DISC1: variants seen among roughly 807,000 people sequenced by gnomAD.
DISC1 encodes the protein DISC1 scaffold protein, also known as disrupted in schizophrenia 1 protein.
Under a neutral mutation model 84.5 loss-of-function variants are expected in DISC1, and 57 were observed. The ratio of observed to expected loss-of-function variants is 0.67; its 90% CI spans 0.55 to 0.84. The LOEUF (loss-of-function observed/expected upper bound fraction) is 0.84. Ranked by LOEUF, DISC1 falls within the 40% of genes least tolerant of loss-of-function variation. The pLI is 0.00. For synonymous variants in DISC1, 411 were observed against 415.2 expected (o/e 0.99, Z 0.12); for missense variants, 1,000 against 1,057.8 (o/e 0.95, Z 0.76).
At chr1:231,946,098 C>A (rs1657142974) in intron 9 of DISC1, among the ~76,000 whole-genome samples, 1 of 152,166 alleles carries the variant, frequency 6.6e-6, no homozygotes, top group Non-Finnish European at 1.5e-5. Context: ...GGAATCCTCC[C>A]TAACTCATTT....
chr1:231,837,675 TGAA>T (rs2082723562), intron 9 of DISC1, among the ~76,000 whole-genome samples: 1 of 152,182 alleles, frequency 6.6e-6, no homozygotes, highest in Admixed American at 6.5e-5. Context: ...ATGTGAACCT[TGAA>T]GAAATGATGG....
intron 9 of DISC1, among the ~76,000 whole-genome samples, chr1:231,908,201 T>C (rs1297464680): frequency 1.3e-5 from 2 of 152,262 alleles, no homozygotes; most frequent in African/African-American, 4.8e-5. Context: ...TTGTCAACTT[T>C]GGCTTTTGTT....
At chr1:231,833,885 G>C (rs1304641069) in intron 9 of DISC1, among the ~76,000 whole-genome samples, 2 of 152,182 alleles carry the variant, frequency 1.3e-5, no homozygotes, top group Non-Finnish European at 2.9e-5. Context: ...GGGTTTGAGG[G>C]CTGGAATTTA....
At chr1:231,821,997 G>A (rs1216339280) in intron 9 of DISC1, among the ~76,000 whole-genome samples, 1 of 152,020 alleles carries the variant, frequency 6.6e-6, no homozygotes, top group Non-Finnish European at 1.5e-5. Flanking sequence ...CACCGCGCCC[G>A]GCCTACAACT....
chr1:231,995,124 A>C (rs1207302868), intron 10 of DISC1, among the ~76,000 whole-genome samples: 1 of 152,224 alleles, frequency 6.6e-6, no homozygotes, highest in East Asian at 1.9e-4. Context: ...AAGACAAAGG[A>C]ATAAAATTTA....
chr1:231,767,786 C>T (rs935778041), intron 5 of DISC1, among the ~76,000 whole-genome samples: 3 of 152,216 alleles, frequency 2.0e-5, no homozygotes, highest in Non-Finnish European at 4.4e-5. Flanking sequence ...TGCCTGTTTT[C>T]GATATTCCTC....
chr1:231,947,140 C>CTATGTGG (rs879461069), intron 9 of DISC1, among the ~76,000 whole-genome samples: 5,977 of 152,300 alleles, frequency 0.039, 301 homozygotes, highest in East Asian at 0.28. Flanking sequence ...AAAGAGCCCA[C>CTATGTGG]ATAGCCAAGA....
chr1:231,752,195 A>G (rs1339959006), intron 4 of DISC1, among the ~76,000 whole-genome samples: 2 of 152,212 alleles, frequency 1.3e-5, no homozygotes. Flanking sequence ...CCATTCTCAC[A>G]TTGCTATAAA....
Position 232,040,560 on chromosome 1 carries a change from G to C in DISC1, c.*3729G>C, listed in dbSNP as rs9308481. On this transcript the variant is annotated 3_prime_UTR_variant, in exon 13 of 13. Transcript: ENST00000439617. The stretch of plus-strand genomic sequence containing the variant: ...TTCTAAGGCACAGAGCTGGTAAAAT[G>C]TGAAGTAATAGTGAACCTAACAGTC... The C allele has an allele frequency of 6.6e-6, 1 of 151,950 alleles. No individual in the cohort carries two copies. The highest frequency in any genetic ancestry group is 1.5e-5 in the Non-Finnish European group (1 of 67,982). 9.4% of individuals were successfully genotyped at this position (151,950 alleles called of 1,614,324 possible).
At chr1:231,722,811 G>C (rs1451091647) in intron 3 of DISC1, 21 of 1,446,622 alleles carry the variant, frequency 1.5e-5, no homozygotes, top group Middle Eastern at 5.0e-4. Flanking sequence ...AAAAAAACCA[G>C]GTGGGCATTT....
chr1:231,758,670 G>T (rs1025518616), intron 4 of DISC1, among the ~76,000 whole-genome samples: 1 of 152,074 alleles, frequency 6.6e-6, no homozygotes, highest in East Asian at 1.9e-4. Context: ...GTGACAACAG[G>T]GATTAGAAGA....
chr1:231,982,006 A>G (rs1165614077), intron 10 of DISC1, among the ~76,000 whole-genome samples: 1 of 152,206 alleles, frequency 6.6e-6, no homozygotes, highest in Non-Finnish European at 1.5e-5. Flanking sequence ...CACTATTAAG[A>G]GTAGATTAAA....
rs975753702 is a variant in DISC1 at position 231,722,657 on chromosome 1, T to C, written c.1117+20633T>C. ...CAAATAGATATCCACACAGCGTAGA[T>C]CATGACTTCTTTAGACATCATGAAA... On this transcript the variant is annotated intron_variant, in intron 3 of 12. Transcript: ENST00000439617. 11 of 1,612,480 alleles carry C rather than the reference T, an allele frequency of 6.8e-6. No individual in the cohort carries two copies. The Admixed American group carries it at 1.8e-4, about 27-fold the overall frequency.
chr1:231,946,226 A>G (rs1657168790), intron 9 of DISC1, among the ~76,000 whole-genome samples: 1 of 152,244 alleles, frequency 6.6e-6, no homozygotes. Flanking sequence ...AATACTGGCA[A>G]ACCGAATCCA....
At chr1:231,970,008 G>C (rs145836150) in intron 10 of DISC1, among the ~76,000 whole-genome samples, 60 of 152,258 alleles carry the variant, frequency 3.9e-4, no homozygotes, top group African/African-American at 1.3e-3. Context: ...ATTGATGGAC[G>C]TTTGGGTTGG....
At chr1:231,946,048 A>G (rs1399434775) in intron 9 of DISC1, among the ~76,000 whole-genome samples, 2 of 152,236 alleles carry the variant, frequency 1.3e-5, no homozygotes, top group African/African-American at 4.8e-5. Context: ...AGGAGCTGGT[A>G]CCATTCCTTC....
chr1:231,723,068 A>G (rs2070075995), intron 3 of DISC1: 1 of 1,016,664 alleles, frequency 9.8e-7, no homozygotes, highest in Non-Finnish European at 1.2e-6. Context: ...CTTGATATCC[A>G]TGGGGGATTA....
rs377482096 is a variant in DISC1 at position 231,783,414 on chromosome 1, G to C, written c.1635-11828G>C. On this transcript the variant is annotated intron_variant, in intron 6 of 12. Transcript: ENST00000439617. ...TGAACATAAGGCTGTTCATATTTCTGATTCCTGTTCTCATTTTTTCATTAT... is the reference window on the plus strand; with the variant it reads ...TGAACATAAGGCTGTTCATATTTCTCATTCCTGTTCTCATTTTTTCATTAT... Among the ~76,000 whole-genome samples, 10 of 152,120 alleles carry C rather than the reference G, an allele frequency of 6.6e-5. No individual in the cohort carries two copies. In the East Asian group the frequency reaches 1.2e-3, roughly 18 times the overall value.
chr1:231,656,339 C>T (rs533970059), intron 1 of DISC1, among the ~76,000 whole-genome samples: 1 of 152,154 alleles, frequency 6.6e-6, no homozygotes, highest in East Asian at 1.9e-4. Flanking sequence ...TATTGAATAG[C>T]ATGTCCTTTC....
Sources: allele counts gnomAD v4.1 joint callset (sites outside exome capture counted in the v4.1 genomes callset), GRCh38; gene constraint gnomAD v4.1.1; transcripts MANE v1.5; gene names NCBI Gene and HGNC (gene_info 2026-07-23, HGNC 2026-07-21).